The following CERS3 variants were observed in gnomAD, a reference collection of about 807,000 sequenced individuals.
The protein encoded by CERS3 is LAG1 homolog, ceramide synthase 3.
CERS3 carries 33 observed loss-of-function variants against 50.3 expected under a neutral mutation model. The ratio of observed to expected loss-of-function variants is 0.66; its 90% CI spans 0.50 to 0.88. CERS3 has a LOEUF of 0.88. CERS3 is among the 40% of genes least tolerant of loss of function. CERS3 has a pLI of 0.00. For synonymous variants in CERS3, 176 were observed against 155.2 expected, an observed-to-expected ratio of 1.13 and a Z score of -0.99; for missense variants, 470 against 460.3, an observed-to-expected ratio of 1.02 and a Z score of -0.19.
chr15:100,481,776 T>C (rs1366117894), intron 5 of CERS3, among the ~76,000 whole-genome samples: 1 of 152,222 alleles, frequency 6.6e-6, no homozygotes, highest in Admixed American at 6.5e-5. Flanking sequence ...TACAGCCAAG[T>C]CTCACATGTT....
intron 1 of CERS3, among the ~76,000 whole-genome samples, chr15:100,523,525 C>A (rs1375982891): frequency 6.6e-6 from 1 of 151,776 alleles, no homozygotes; most frequent in Non-Finnish European, 1.5e-5. Context: ...CACGGTGAAA[C>A]CCTGTCTCTA....
rs556152314 is a variant in CERS3, at chr15:100,433,191, G to T, written c.999+22702C>A. On this transcript the variant is annotated intron_variant, in intron 11 of 11. Transcript: ENST00000679737. ...GCTGAGGTTGCAGCGAGCTGAGATC[G>T]CACTGCTGCACTCTGGCCTGGGCAA... 2.0e-5 allele frequency among the ~76,000 whole-genome samples: 3 copies of T among 149,996 alleles called. No individual in the cohort carries two copies. In the South Asian group the frequency reaches 6.3e-4, roughly 32 times the overall value.
At position 100,467,846 on chromosome 15, in the gene CERS3, T is replaced by TAG. The variant is rs1555528317; in HGVS notation, c.845+1531_845+1532insCT. On this transcript the variant is annotated intron_variant, in intron 10 of 11. Transcript: ENST00000679737. ...GTGTATATATATACGTGTATATATA[T>TAG]ATATATAGATAGATAGATAGATAGA... is the stretch of plus-strand genomic sequence containing the variant. Among the ~76,000 whole-genome samples, 142 of 39,082 alleles carry TAG rather than the reference T, an allele frequency of 3.6e-3. 2 individuals are homozygous for TAG. The highest frequency in any genetic ancestry group is 0.011 in the Middle Eastern group (1 of 92). 25.6% of individuals were successfully genotyped at this position (39,082 alleles called of 152,430 possible). A position where few individuals can be genotyped will look rare whatever the true frequency, so the allele number is the denominator to read the frequency against.
chr15:100,467,042 G>A (rs1037408014), intron 10 of CERS3, among the ~76,000 whole-genome samples: 5 of 151,834 alleles, frequency 3.3e-5, no homozygotes, highest in East Asian at 1.9e-4. Flanking sequence ...TTTTAGTAGA[G>A]ATGGGGTTTC....
At chr15:100,429,402 C>CA (rs1303403407) in intron 11 of CERS3, among the ~76,000 whole-genome samples, 8 of 152,152 alleles carry the variant, frequency 5.3e-5, no homozygotes, top group African/African-American at 1.9e-4. Context: ...TGTAGACCTA[C>CA]AGGTTTGAAA....
At chr15:100,440,313 C>A (rs1189530861) in intron 11 of CERS3, among the ~76,000 whole-genome samples, 1 of 152,236 alleles carries the variant, frequency 6.6e-6, no homozygotes, top group Non-Finnish European at 1.5e-5. Flanking sequence ...TGCACATACA[C>A]ATCCAGATGG....
intron 2 of CERS3, among the ~76,000 whole-genome samples, chr15:100,506,461 AC>A (rs376107005): frequency 2.0e-4 from 6 of 30,410 alleles, no homozygotes; most frequent in African/African-American, 3.9e-4. Flanking sequence ...AGAAATCGGG[AC>A]CCCCCCGCCG....
At chr15:100,474,624 C>T (rs149795099) in intron 8 of CERS3, among the ~76,000 whole-genome samples, 1,702 of 152,238 alleles carry the variant, frequency 0.011, 55 homozygotes, top group Admixed American at 0.063. Context: ...AGGATGGCCT[C>T]GATCTCTTGA....
intron 1 of CERS3, among the ~76,000 whole-genome samples, chr15:100,543,909 T>G (rs1327461003): frequency 6.6e-6 from 1 of 152,186 alleles, no homozygotes; most frequent in Non-Finnish European, 1.5e-5. Context: ...AATTTGAGAA[T>G]AAGTAAAAGG....
intron 11 of CERS3, among the ~76,000 whole-genome samples, chr15:100,414,263 C>T (rs1471611470): frequency 6.6e-6 from 1 of 152,164 alleles, no homozygotes; most frequent in Non-Finnish European, 1.5e-5. Context: ...CAAACCACTC[C>T]TCAAGGAAAT....
chr15:100,490,751 G>A (rs2035625040), intron 4 of CERS3, 66 bp downstream of exon 4: 1 of 933,148 alleles, frequency 1.1e-6, no homozygotes, highest in Non-Finnish European at 1.8e-6. Context: ...CACAAGGTAA[G>A]CTATAGATAA....
At position 100,473,008 on chromosome 15, in the gene CERS3, C is replaced by T. The variant is rs1262449738; in HGVS notation, c.654G>A (p.Leu218=). The T allele has an allele frequency of 6.2e-7, 1 of 1,613,888 alleles. No individual in the cohort carries two copies. Among genetic ancestry groups the T allele is most frequent in the Admixed American group, 1.7e-5 (1 of 60,008 alleles). Residue 218 remains leucine, a synonymous_variant, in exon 9 of 12, where the codon CTG becomes CTA. Coordinates refer to ENST00000679737, the MANE Select transcript of CERS3 (RefSeq NM_001378789.1). ...AATTAGCACACCAAGAGAAGCTCAT[C>T]AGACTAATAGCAGCCAGGTGGTGGA... is the stretch of plus-strand genomic sequence containing the variant. ...HIIHHLAAIS[L]MSFSWCANYI... is the part of the protein sequence containing the mutation.
chr15:100,482,390 A>T (rs1014065230), intron 5 of CERS3, among the ~76,000 whole-genome samples: 5 of 152,056 alleles, frequency 3.3e-5, no homozygotes, highest in Non-Finnish European at 7.4e-5. Context: ...GCCAGATGGG[A>T]GGCCTGTGGT....
At chr15:100,517,604 CT>C (rs2036527290) in intron 2 of CERS3, among the ~76,000 whole-genome samples, 1 of 152,156 alleles carries the variant, frequency 6.6e-6, no homozygotes, top group Admixed American at 6.5e-5. Flanking sequence ...AGCTGGGTCA[CT>C]TTTAGGAAAG....
intron 2 of CERS3, among the ~76,000 whole-genome samples, chr15:100,518,431 T>C: frequency 6.6e-6 from 1 of 152,226 alleles, no homozygotes; most frequent in East Asian, 1.9e-4. Context: ...ATTTTTTTGA[T>C]TAATGATTAA....
At chr15:100,445,029 T>C (rs1383281744) in intron 11 of CERS3, among the ~76,000 whole-genome samples, 2 of 151,930 alleles carry the variant, frequency 1.3e-5, no homozygotes, top group Non-Finnish European at 2.9e-5. Context: ...AATGGTCTTT[T>C]AAAAACATAC....
intron 11 of CERS3, among the ~76,000 whole-genome samples, chr15:100,403,722 A>G (rs2030747032): frequency 1.3e-5 from 2 of 152,260 alleles, no homozygotes; most frequent in Admixed American, 1.3e-4. Context: ...ATAGTCATAT[A>G]ACTATGAAGG....
intron 6 of CERS3, 103 bp from the exon 7 acceptor site, chr15:100,479,581 C>T (rs2035237753): frequency 1.6e-5 from 13 of 807,220 alleles, no homozygotes; most frequent in Admixed American, 2.6e-5. Flanking sequence ...ATGTCATTTA[C>T]AGCAGGCAAA....
At chr15:100,496,507 A>T (rs947338237) in intron 3 of CERS3, among the ~76,000 whole-genome samples, 28 of 152,308 alleles carry the variant, frequency 1.8e-4, no homozygotes, top group African/African-American at 6.3e-4. Flanking sequence ...TAGATTAGTG[A>T]TTGCTGGTGG....
Sources: gnomAD v4.1 joint callset for allele counts (sites outside exome capture counted in the v4.1 genomes callset) on GRCh38, gnomAD v4.1.1 for gene constraint, MANE v1.5 for transcripts, NCBI Gene and HGNC (gene_info 2026-07-23, HGNC 2026-07-21) for gene names.